TGM6: variants seen among roughly 807,000 people sequenced by gnomAD.
TGM6 encodes the protein protein-glutamine gamma-glutamyltransferase 6.
TGM6 carries 74 observed loss-of-function variants against 77.5 expected under a neutral mutation model. The observed-to-expected ratio is 0.96, with a 90% CI of 0.79 to 1.16. TGM6 has a LOEUF of 1.16. TGM6 is among the 50% of genes most tolerant of loss of function. The pLI is 0.00. For synonymous variants in TGM6, 383 were observed against 378.9 expected, an observed-to-expected ratio of 1.01 and a Z score of -0.12; for missense variants, 968 against 940.2, an observed-to-expected ratio of 1.03 and a Z score of -0.39.
At chr20:2,412,089 A>G (rs917350128) in intron 9 of TGM6, among the ~76,000 whole-genome samples, 3 of 152,238 alleles carry the variant, frequency 2.0e-5, no homozygotes, top group African/African-American at 7.2e-5. Context: ...CCAAGTGTCC[A>G]TCACTGAATG....
chr20:2,417,204 G>A, intron 9 of TGM6, 28 bp from the exon 10 acceptor site: 2 of 1,562,656 alleles, frequency 1.3e-6, no homozygotes, highest in Non-Finnish European at 1.7e-6. Context: ...GGGGGTGCCT[G>A]CCGCTGACGT....
chr20:2,389,337 T>C (rs562290248), intron 1 of TGM6, among the ~76,000 whole-genome samples: 1 of 152,186 alleles, frequency 6.6e-6, no homozygotes, highest in Non-Finnish European at 1.5e-5. Context: ...AGCCTTCAGA[T>C]GAACATGGCC....
intron 9 of TGM6, 21 bp downstream of exon 9, chr20:2,403,844 T>C (rs1174470897): frequency 6.2e-7 from 1 of 1,613,892 alleles, no homozygotes; most frequent in East Asian, 2.2e-5. Context: ...CATGGCGGCC[T>C]TTATTACCTT....
At chr20:2,409,232 C>A (rs1006684559) in intron 9 of TGM6, among the ~76,000 whole-genome samples, 4 of 152,078 alleles carry the variant, frequency 2.6e-5, no homozygotes, top group African/African-American at 9.7e-5. Context: ...TCTAAATATC[C>A]AGTGAGCCAA....
intron 1 of TGM6, among the ~76,000 whole-genome samples, chr20:2,392,979 C>T (rs2084638816): frequency 6.6e-6 from 1 of 152,162 alleles, no homozygotes; most frequent in African/African-American, 2.4e-5. Context: ...CAGAGGACCT[C>T]CTCATAACCA....
At chr20:2,416,600 G>T (rs912626386) in intron 9 of TGM6, among the ~76,000 whole-genome samples, 18 of 152,190 alleles carry the variant, frequency 1.2e-4, no homozygotes, top group Non-Finnish European at 7.3e-5. Flanking sequence ...GCCTTGAAAA[G>T]GGGTAGTAAG....
At chr20:2,426,675 T>G (rs1354556713) in intron 10 of TGM6, among the ~76,000 whole-genome samples, 4 of 152,174 alleles carry the variant, frequency 2.6e-5, no homozygotes, top group African/African-American at 9.6e-5. Context: ...CTTTATCAAG[T>G]TGAGTAAATT....
In TGM6 at chr20:2,399,579, C is replaced by G; in HGVS notation, c.691C>G (p.Arg231Gly). ...TGCCCAGGTGAACAGCAACAACGAC[C>G]GAGGTGTGGTGCAAGGACAGTGGCA... is the stretch of plus-strand genomic sequence containing the variant. ...ISAMVNSNND[R>G]GVVQGQWQGK... Residue 231 changes from arginine to glycine, a missense_variant, in exon 6 of 13, where the codon CGA (arginine) becomes GGA (glycine). Coordinates refer to ENST00000202625, the MANE Select transcript of TGM6 (RefSeq NM_198994.3). 6.2e-7 allele frequency: 1 copy of G among 1,613,064 alleles called. No individual in the cohort carries two copies. Among genetic ancestry groups the G allele is most frequent in the South Asian group, 1.1e-5 (1 of 91,032 alleles).
At chr20:2,399,847 A>G (rs1599951137) in intron 6 of TGM6, 109 bp downstream of exon 6, 1 of 986,186 alleles carries the variant, frequency 1.0e-6, no homozygotes, top group Non-Finnish European at 1.5e-6. Flanking sequence ...TGATGGATTC[A>G]TTGACAGGGA....
At position 2,403,482 on chromosome 20, in the gene TGM6, C is replaced by A. The variant is rs762613045; in HGVS notation, c.1075C>A (p.Pro359Thr). The A allele has an allele frequency of 3.1e-6, 5 of 1,614,050 alleles. No individual in the cohort carries two copies. The highest frequency in any genetic ancestry group is 4.2e-6 in the Non-Finnish European group (5 of 1,180,044). ...TGGCTGGCAGGTTCTGGATGCCACCCCCCAGGAGGAGAGTGAAGGTACGCT... is the reference window on the plus strand; with the variant it reads ...TGGCTGGCAGGTTCTGGATGCCACCACCCAGGAGGAGAGTGAAGGTACGCT... ...YNGWQVLDAT[P>T]QEESEGVFRC... Residue 359 changes from proline (P) to threonine (T), a missense_variant, in exon 8 of 13, where the codon CCC becomes ACC. Physicochemically the swap from Pro to Thr is conservative, Grantham distance 38 (BLOSUM62 -1). Transcript: ENST00000202625.
chr20:2,419,008 C>T (rs960948131), intron 10 of TGM6, among the ~76,000 whole-genome samples: 2 of 152,180 alleles, frequency 1.3e-5, no homozygotes, highest in Non-Finnish European at 2.9e-5. Flanking sequence ...ACCCAGGAAG[C>T]GGAGGTTAAA....
intron 10 of TGM6, among the ~76,000 whole-genome samples, chr20:2,424,055 T>C (rs891637733): frequency 4.6e-5 from 7 of 152,210 alleles, no homozygotes; most frequent in African/African-American, 1.7e-4. Flanking sequence ...GGCTTCGTTG[T>C]TCCTTTATGG....
chr20:2,425,067 C>T (rs1261890338), intron 10 of TGM6, among the ~76,000 whole-genome samples: 6 of 152,172 alleles, frequency 3.9e-5, no homozygotes, highest in Admixed American at 6.5e-5. Flanking sequence ...GGCACAGGGG[C>T]TCATATATGT....
chr20:2,409,032 C>T (rs544938641), intron 9 of TGM6, among the ~76,000 whole-genome samples: 1 of 152,118 alleles, frequency 6.6e-6, no homozygotes, highest in Non-Finnish European at 1.5e-5. Flanking sequence ...TATACACATT[C>T]TTGGAAAGTA....
At chr20:2,418,382 G>T (rs1430479366) in intron 10 of TGM6, among the ~76,000 whole-genome samples, 1 of 152,332 alleles carries the variant, frequency 6.6e-6, no homozygotes, top group South Asian at 2.1e-4. Context: ...CAGCCACCTT[G>T]TGTGTGGTAC....
intron 10 of TGM6, among the ~76,000 whole-genome samples, chr20:2,418,742 T>C (rs2084835120): frequency 6.6e-6 from 1 of 152,226 alleles, no homozygotes; most frequent in Non-Finnish European, 1.5e-5. Flanking sequence ...TTTAAAGGTT[T>C]TTGTATTTTT....
At chr20:2,424,847 G>A (rs1010301819) in intron 10 of TGM6, among the ~76,000 whole-genome samples, 2 of 152,138 alleles carry the variant, frequency 1.3e-5, no homozygotes, top group African/African-American at 4.8e-5. Flanking sequence ...GGCCATTGTA[G>A]GTTTATTAAT....
intron 10 of TGM6, among the ~76,000 whole-genome samples, chr20:2,426,109 A>G (rs62192920): frequency 0.017 from 2,627 of 152,298 alleles, 30 homozygotes; most frequent in Non-Finnish European, 0.026. Flanking sequence ...TGACATTTTG[A>G]CAATATTGAG....
chr20:2,394,116 C>A (rs2084645730), intron 1 of TGM6, among the ~76,000 whole-genome samples: 1 of 151,980 alleles, frequency 6.6e-6, no homozygotes, highest in South Asian at 2.1e-4. Context: ...ATGGCAAAAC[C>A]CCATCTCTCC....
Sources: allele counts gnomAD v4.1 joint callset (sites outside exome capture counted in the v4.1 genomes callset), GRCh38; gene constraint gnomAD v4.1.1; transcripts MANE v1.5; gene names NCBI Gene and HGNC (gene_info 2026-07-23, HGNC 2026-07-21).